Variants in ANKRD45 observed in about 807,000 individuals in gnomAD.
ANKRD45 encodes the protein ankyrin repeat domain-containing protein 45.
A neutral mutation model predicts 28.1 loss-of-function variants in ANKRD45; 21 were observed. The observed-to-expected ratio is 0.75, with a 90% CI of 0.53 to 1.08. The LOEUF (loss-of-function observed/expected upper bound fraction) is 1.08, where lower values mean the gene tolerates loss of function less well. ANKRD45 is among the 50% of genes least tolerant of loss of function. The pLI, the probability that ANKRD45 is intolerant of heterozygous loss-of-function variation, is 0.00. For missense variants in ANKRD45, 261 were observed against 308.7 expected (o/e 0.85, Z 1.16); for synonymous variants, 86 against 103.9 (o/e 0.83, Z 1.05).
intron 3 of ANKRD45, among the ~76,000 whole-genome samples, chr1:173,633,505 T>A (rs773717266): frequency 1.6e-4 from 25 of 152,142 alleles, no homozygotes; most frequent in Non-Finnish European, 3.7e-4. Flanking sequence ...CTAAAATTTT[T>A]ATGGAACCAC....
chr1:173,639,363 C>G (rs546048515), intron 3 of ANKRD45, among the ~76,000 whole-genome samples: 9 of 152,152 alleles, frequency 5.9e-5, no homozygotes, highest in Non-Finnish European at 1.2e-4. Context: ...ACCAAACAAG[C>G]TGCTGTTTCT....
chr1:173,651,164 G>A lies in ANKRD45; in HGVS notation c.329-4151C>T, dbSNP rs188181332. On this transcript the variant is annotated intron_variant, in intron 2 of 5. Transcript: ENST00000333279. ...TTGGTGTTTTAGTCATGAAGTCCTT[G>A]CCCATGCCTATGTCCTGAATGGTAA... Among the ~76,000 whole-genome samples the A allele has an allele frequency of 3.5e-3, 532 of 152,236 alleles. 2 individuals carry two copies. Among genetic ancestry groups the A allele is most frequent in the African/African-American group, 0.012 (505 of 41,552 alleles).
At chr1:173,691,613 G>A in the ANKRD45 span, among the ~76,000 whole-genome samples, 5 of 152,122 alleles carry the variant, frequency 3.3e-5, no homozygotes, top group Admixed American at 6.5e-5. Flanking sequence ...GTGAAACCCC[G>A]TCTCTACTAA....
the ANKRD45 span, among the ~76,000 whole-genome samples, chr1:173,679,674 C>T: frequency 4.6e-5 from 7 of 152,264 alleles, no homozygotes; most frequent in African/African-American, 7.2e-5. Context: ...GCAATGGCAA[C>T]GAAAGCCAAA....
In ANKRD45 at chr1:173,608,783, G is replaced by A. The variant is rs889786390; in HGVS notation, c.*1362C>T. 8.4e-5 allele frequency among the ~76,000 whole-genome samples: 12 copies of A among 142,856 alleles called. No individual in the cohort carries two copies. The highest frequency in any genetic ancestry group is 3.2e-4 in the African/African-American group (12 of 37,984). 93.7% of individuals were successfully genotyped at this position (142,856 alleles called of 152,430 possible). A position where few individuals can be genotyped will look rare whatever the true frequency, so the allele number is the denominator to read the frequency against. ...TTGCGGGGGTGGAGAGAGAGAGAGAGATAAGAGAGGAAGAAGAAGGAGTTG... is the reference window on the plus strand; with the variant it reads ...TTGCGGGGGTGGAGAGAGAGAGAGAAATAAGAGAGGAAGAAGAAGGAGTTG... On this transcript the variant is annotated 3_prime_UTR_variant, in exon 6 of 6. Transcript: ENST00000333279.
the ANKRD45 span, among the ~76,000 whole-genome samples, chr1:173,686,851 GTTAAAC>G: frequency 6.6e-6 from 1 of 152,076 alleles, no homozygotes; most frequent in African/African-American, 2.4e-5. Flanking sequence ...TGTTATTAAT[GTTAAAC>G]TTAATTTTAA....
the ANKRD45 span, among the ~76,000 whole-genome samples, chr1:173,714,523 G>A: frequency 6.6e-6 from 1 of 152,136 alleles, no homozygotes; most frequent in Non-Finnish European, 1.5e-5. Flanking sequence ...TCTCTGGTCT[G>A]TCTATCTAAC....
At chr1:173,688,539 T>TCTCTCTCCCTCTCTGCCTCTTC in the ANKRD45 span, among the ~76,000 whole-genome samples, 36 of 143,408 alleles carry the variant, frequency 2.5e-4, 2 homozygotes, top group African/African-American at 9.8e-4. Flanking sequence ...TCTCTCTCCC[T>TCTCTCTCCCTCTCTGCCTCTTC]CTCTCTCCCT....
chr1:173,631,140 A>T (rs1036375100), intron 3 of ANKRD45, among the ~76,000 whole-genome samples: 1 of 152,328 alleles, frequency 6.6e-6, no homozygotes, highest in African/African-American at 2.4e-5. Flanking sequence ...AAGATATTCC[A>T]TGCCAATGGA....
At chr1:173,636,073 A>G (rs1347081796) in intron 3 of ANKRD45, among the ~76,000 whole-genome samples, 1 of 152,124 alleles carries the variant, frequency 6.6e-6, no homozygotes, top group Admixed American at 6.5e-5. Flanking sequence ...CTCTACTTCA[A>G]GTTACAAAAC....
intron 2 of ANKRD45, among the ~76,000 whole-genome samples, chr1:173,647,970 G>A (rs1669014400): frequency 6.6e-6 from 1 of 151,750 alleles, no homozygotes; most frequent in Non-Finnish European, 1.5e-5. Flanking sequence ...TTTAGATGGA[G>A]TCTTTCGCTG....
At chr1:173,685,310 G>A in the ANKRD45 span, among the ~76,000 whole-genome samples, 1 of 152,196 alleles carries the variant, frequency 6.6e-6, no homozygotes, top group Non-Finnish European at 1.5e-5. Flanking sequence ...AGTGAACTTT[G>A]TATTGGGAGA....
chr1:173,646,069 G>A (rs1668907327), intron 3 of ANKRD45, among the ~76,000 whole-genome samples: 1 of 152,178 alleles, frequency 6.6e-6, no homozygotes, highest in South Asian at 2.1e-4. Context: ...AAACAGGAAT[G>A]CAGATAACCA....
the ANKRD45 span, among the ~76,000 whole-genome samples, chr1:173,685,188 G>A: frequency 2.6e-5 from 4 of 152,268 alleles, no homozygotes; most frequent in East Asian, 1.9e-4. Context: ...ACATCCACTC[G>A]GGGATGAACA....
At chr1:173,708,347 C>T in the ANKRD45 span, among the ~76,000 whole-genome samples, 2 of 152,230 alleles carry the variant, frequency 1.3e-5, no homozygotes, top group Admixed American at 6.5e-5. Context: ...ATGGGATTAG[C>T]TCCCTTATGG....
intron 2 of ANKRD45, among the ~76,000 whole-genome samples, chr1:173,656,099 C>T (rs978799947): frequency 6.6e-6 from 1 of 152,158 alleles, no homozygotes; most frequent in Non-Finnish European, 1.5e-5. Flanking sequence ...GCTCACCCTC[C>T]ACGGGCTGCA....
At chr1:173,702,206 T>C in the ANKRD45 span, among the ~76,000 whole-genome samples, 1 of 152,186 alleles carries the variant, frequency 6.6e-6, no homozygotes, top group African/African-American at 2.4e-5. Flanking sequence ...GGCTTCTATC[T>C]TGGGTGACTA....
chr1:173,651,048 T>C (rs534167767), intron 2 of ANKRD45, among the ~76,000 whole-genome samples: 3 of 152,334 alleles, frequency 2.0e-5, no homozygotes, highest in East Asian at 1.9e-4. Context: ...AGGTTGTCTG[T>C]TCACTCTGAT....
the ANKRD45 span, among the ~76,000 whole-genome samples, chr1:173,696,029 G>A: frequency 2.6e-5 from 4 of 151,968 alleles, no homozygotes; most frequent in Admixed American, 6.6e-5. Context: ...ATATTTTATT[G>A]CCTTGTGAAG....
Sources: allele counts gnomAD v4.1 joint callset (sites outside exome capture counted in the v4.1 genomes callset), GRCh38; gene constraint gnomAD v4.1.1; transcripts MANE v1.5; gene names NCBI Gene and HGNC (gene_info 2026-07-23, HGNC 2026-07-21).